SPECC1L: variants seen among roughly 807,000 people sequenced by gnomAD.
The protein encoded by SPECC1L is cytospin-A.
SPECC1L carries 40 observed loss-of-function variants against 116.8 expected under a neutral mutation model. The observed-to-expected ratio is 0.34, with a 90% CI of 0.27 to 0.45. The LOEUF (loss-of-function observed/expected upper bound fraction) is 0.45. SPECC1L is among the 20% of genes least tolerant of loss of function. The probability of loss-of-function intolerance (pLI) is 1.00; values close to 1 mark genes in which losing one functional copy is unlikely to be tolerated. For synonymous variants in SPECC1L, 504 were observed against 500.6 expected, an observed-to-expected ratio of 1.01 and a Z score of -0.09; for missense variants, 1,110 against 1,373.6, an observed-to-expected ratio of 0.81 and a Z score of 3.03.
chr22:24,411,800 G>T, intron 15 of SPECC1L, 96 bp downstream of exon 15: 1 of 1,013,794 alleles, frequency 9.9e-7, no homozygotes. Flanking sequence ...ACATGCCACA[G>T]CGCTGGCTTG....
chr22:24,304,217 G>A (rs1325920329), intron 3 of SPECC1L, among the ~76,000 whole-genome samples: 1 of 151,998 alleles, frequency 6.6e-6, no homozygotes, highest in African/African-American at 2.4e-5. Context: ...GAGACAGCAT[G>A]TGCACACACC....
At chr22:24,379,489 T>G (rs1033316948) in intron 14 of SPECC1L, among the ~76,000 whole-genome samples, 1 of 152,240 alleles carries the variant, frequency 6.6e-6, no homozygotes, top group Non-Finnish European at 1.5e-5. Flanking sequence ...ATTCCATGCC[T>G]CTTGGATTCT....
intron 4 of SPECC1L, 50 bp from the exon 5 acceptor site, chr22:24,321,238 C>A: frequency 1.9e-6 from 3 of 1,604,494 alleles, no homozygotes; most frequent in Non-Finnish European, 2.5e-6. Context: ...TTCTATGTAG[C>A]CTTTTATTGC....
intron 2 of SPECC1L, among the ~76,000 whole-genome samples, chr22:24,296,056 G>C (rs1601511676): frequency 6.6e-6 from 1 of 152,216 alleles, no homozygotes; most frequent in Non-Finnish European, 1.5e-5. Context: ...TTGTTTATAT[G>C]TTGTGAAATA....
intron 2 of SPECC1L, among the ~76,000 whole-genome samples, chr22:24,289,955 G>C (rs866591205): frequency 2.6e-5 from 4 of 152,044 alleles, no homozygotes; most frequent in Admixed American, 1.3e-4. Flanking sequence ...CATTACCCCC[G>C]GCTCTCTCCC....
chr22:24,404,949 A>G (rs145756814), intron 14 of SPECC1L, among the ~76,000 whole-genome samples: 3,020 of 152,246 alleles, frequency 0.02, 54 homozygotes, highest in African/African-American at 0.042. Flanking sequence ...TTAGGGTGTC[A>G]CTGTGTCTCC....
intron 14 of SPECC1L, among the ~76,000 whole-genome samples, chr22:24,394,138 A>G (rs890943305): frequency 6.6e-5 from 10 of 152,290 alleles, no homozygotes; most frequent in South Asian, 4.1e-4. Context: ...CAAAACTCCT[A>G]TGAACGTTCA....
rs772998454 is a variant in SPECC1L, at chr22:24,369,265, G to T, written c.3032G>T (p.Gly1011Val). The change falls in exon 14 of 17, where the codon GGA becomes GTA. Residue 1011 changes from glycine to valine, a missense_variant. Transcript: ENST00000314328. Reference sequence around the variant, plus strand: ...TCAGCATTGGCCAGAGAATATGGAGGATCAAAGAGGAACGCCTTGCTGAAG... The same window carrying T: ...TCAGCATTGGCCAGAGAATATGGAGTATCAAAGAGGAACGCCTTGCTGAAG... ...PLSALAREYGGSKRNALLKWC... is the reference protein window; with the variant it reads ...PLSALAREYGVSKRNALLKWC... The T allele has an allele frequency of 6.2e-7, 1 of 1,614,172 alleles. No individual in the cohort carries two copies. The highest frequency in any genetic ancestry group is 8.5e-7 in the Non-Finnish European group (1 of 1,179,976).
At chr22:24,346,354 C>T (rs2041295654) in intron 10 of SPECC1L, among the ~76,000 whole-genome samples, 1 of 152,152 alleles carries the variant, frequency 6.6e-6, no homozygotes, top group African/African-American at 2.4e-5. Context: ...GGCGATGATG[C>T]CAGTGACAAG....
intron 11 of SPECC1L, among the ~76,000 whole-genome samples, chr22:24,358,944 C>CT (rs1474254357): frequency 6.6e-6 from 1 of 152,210 alleles, no homozygotes; most frequent in African/African-American, 2.4e-5. Flanking sequence ...CGTTTATCCA[C>CT]TTATCTGACC....
chr22:24,313,456 G>T lies in SPECC1L; in HGVS notation c.297G>T (p.Lys99Asn), dbSNP rs1455150196. Residue 99 changes from lysine (K) to asparagine (N), a missense_variant, in exon 4 of 17, where the codon AAG becomes AAT. By Grantham distance (94) the Lys-to-Asn change is moderately conservative (BLOSUM62 0). Coordinates refer to ENST00000314328, the MANE Select transcript of SPECC1L (RefSeq NM_015330.6). ...PAMTTVENKS[K>N]ISTGTASSTK... is the part of the protein sequence containing the mutation. Reference sequence around the variant, plus strand: ...TGACCACCGTGGAGAACAAATCCAAGATTAGCACAGGTAACGGTGACATTC... The same window carrying T: ...TGACCACCGTGGAGAACAAATCCAATATTAGCACAGGTAACGGTGACATTC... 6.2e-7 allele frequency: 1 copy of T among 1,613,910 alleles called. No individual in the cohort carries two copies. Among genetic ancestry groups the T allele is most frequent in the Non-Finnish European group, 8.5e-7 (1 of 1,180,022 alleles).
rs557493913 is a variant in SPECC1L, at chr22:24,320,711, T to C, written c.308-577T>C. ...GCTAGGTATGTGTTAGCTATTGTTA[T>C]AATTGTTATTATTTATGTGGCATTT... On this transcript the variant is annotated intron_variant, in intron 4 of 16. Transcript: ENST00000314328. 3.9e-5 allele frequency among the ~76,000 whole-genome samples: 6 copies of C among 152,388 alleles called. 1 individual carries two copies. The South Asian group carries it at 1.0e-3, about 26-fold the overall frequency.
At chr22:24,314,340 C>T (rs570701512) in intron 4 of SPECC1L, among the ~76,000 whole-genome samples, 58 of 152,334 alleles carry the variant, frequency 3.8e-4, no homozygotes, top group African/African-American at 1.3e-3. Context: ...TGAGCCACCA[C>T]GCCCGACCAG....
intron 11 of SPECC1L, among the ~76,000 whole-genome samples, chr22:24,356,969 C>A (rs542926091): frequency 6.6e-6 from 1 of 151,914 alleles, no homozygotes; most frequent in South Asian, 2.1e-4. Flanking sequence ...GTATCACCCC[C>A]ATCTCCCCAG....
At chr22:24,309,922 CAGAACTATATGAGA>C (rs1372941992) in intron 3 of SPECC1L, among the ~76,000 whole-genome samples, 3 of 152,100 alleles carry the variant, frequency 2.0e-5, no homozygotes, top group Non-Finnish European at 2.9e-5. Context: ...CTCCACGAGT[CAGAACTATATGAGA>C]AGATATGTTC....
At chr22:24,286,101 A>AT (rs2049039802) in intron 2 of SPECC1L, among the ~76,000 whole-genome samples, 2 of 152,194 alleles carry the variant, frequency 1.3e-5, no homozygotes. Context: ...GGCTTTGGTG[A>AT]TTTTTTGGTG....
In SPECC1L at chr22:24,365,647, A is replaced by C; in HGVS notation, c.2984+15A>C. On this transcript the variant is annotated intron_variant, in intron 13 of 16. Coordinates refer to ENST00000314328, the MANE Select transcript of SPECC1L (RefSeq NM_015330.6). ...AGCCGAATAAGGTAGAGAACAGTTA[A>C]TATTCATGCATTTCGTGTGTACCTT... The C allele has an allele frequency of 6.2e-7, 1 of 1,613,890 alleles. No individual in the cohort carries two copies. The highest frequency in any genetic ancestry group is 1.1e-5 in the South Asian group (1 of 91,070).
At chr22:24,342,869 G>A (rs946665031) in intron 10 of SPECC1L, among the ~76,000 whole-genome samples, 1 of 151,970 alleles carries the variant, frequency 6.6e-6, no homozygotes, top group Non-Finnish European at 1.5e-5. Context: ...GGGTCGGGGG[G>A]CAGAGTGGGA....
intron 2 of SPECC1L, among the ~76,000 whole-genome samples, chr22:24,277,062 A>C (rs1277178799): frequency 6.6e-6 from 1 of 152,234 alleles, no homozygotes; most frequent in African/African-American, 2.4e-5. Flanking sequence ...GAATCATTGC[A>C]GTTACTTAGG....
Sources: allele counts gnomAD v4.1 joint callset (sites outside exome capture counted in the v4.1 genomes callset), GRCh38; gene constraint gnomAD v4.1.1; transcripts MANE v1.5; gene names NCBI Gene and HGNC (gene_info 2026-07-23, HGNC 2026-07-21).